Variants in MEGF11 observed in about 807,000 individuals in gnomAD.
MEGF11 encodes multiple EGF like domains 11, also known as multiple epidermal growth factor-like domains protein 11.
In MEGF11, 126 loss-of-function variants were observed where a neutral mutation model predicts 146.6. The observed-to-expected ratio is 0.86, with a 90% confidence interval of 0.74 to 1.00. MEGF11 has a LOEUF of 1.00. Ranked by LOEUF, MEGF11 falls within the 50% of genes least tolerant of loss-of-function variation. The pLI is 0.00. For synonymous variants in MEGF11, 532 were observed against 583.4 expected (o/e 0.91, Z 1.27); for missense variants, 1,509 against 1,521.2 (o/e 0.99, Z 0.13).
chr15:65,992,559 T>C (rs1224338704), intron 5 of MEGF11, among the ~76,000 whole-genome samples: 5 of 151,546 alleles, frequency 3.3e-5, no homozygotes, highest in Non-Finnish European at 5.9e-5. Context: ...TTCAGCAGGG[T>C]ATGTGTATGT....
At chr15:65,930,509 G>A (rs374492261) in intron 11 of MEGF11, among the ~76,000 whole-genome samples, 6 of 152,140 alleles carry the variant, frequency 3.9e-5, no homozygotes, top group East Asian at 1.9e-4. Flanking sequence ...CTCTGGGAAC[G>A]CTTTCTTTTG....
chr15:66,207,299 G>A (rs2091324159), intron 1 of MEGF11, among the ~76,000 whole-genome samples: 2 of 152,200 alleles, frequency 1.3e-5, no homozygotes, highest in African/African-American at 2.4e-5. Flanking sequence ...ACTCTTGAAA[G>A]CAGCAAAAGA....
chr15:65,939,030 A>G (rs558592928), intron 10 of MEGF11, among the ~76,000 whole-genome samples: 27 of 152,234 alleles, frequency 1.8e-4, no homozygotes, highest in African/African-American at 5.3e-4. Context: ...TTGGAGGAGG[A>G]TGGAAAGTGG....
Position 66,031,885 on chromosome 15 carries a change from T to C in MEGF11, c.395-49397A>G, listed in dbSNP as rs940030567. Among the ~76,000 whole-genome samples, 17 of 152,362 alleles carry C rather than the reference T, an allele frequency of 1.1e-4. No individual in the cohort carries two copies. In the South Asian group the frequency reaches 2.5e-3, roughly 22 times the overall value. ...CTTGGGAGTGGCTTCGTTATGAAAG[T>C]ACTGGTCTGTAGCCTGTTAGGAACC... On this transcript the variant is annotated intron_variant, in intron 5 of 25. Coordinates refer to ENST00000395614, the MANE Select transcript of MEGF11 (RefSeq NM_001385028.1).
chr15:66,000,626 G>A (rs2082338897), intron 5 of MEGF11, among the ~76,000 whole-genome samples: 1 of 152,138 alleles, frequency 6.6e-6, no homozygotes, highest in African/African-American at 2.4e-5. Flanking sequence ...GCTGTCTGAT[G>A]TGTATCAGGG....
Position 65,965,600 on chromosome 15 carries a change from C to CTTTCTTTTTTTTTTTTTTTTT in MEGF11, c.900-481_900-480insAAAAAAAAAAAAAAAAAGAAA. On this transcript the variant is annotated intron_variant, in intron 8 of 25. Coordinates refer to ENST00000395614, the MANE Select transcript of MEGF11 (RefSeq NM_001385028.1). ...TCTTTCTTTCTTTCTTTCTTTCTTT[C>CTTTCTTTTTTTTTTTTTTTTT]TTTTTTTTTTTTCTTTTTTTTTTTT... Among the ~76,000 whole-genome samples the CTTTCTTTTTTTTTTTTTTTTT allele has an allele frequency of 3.5e-3, 67 of 18,876 alleles. 1 individual carries two copies. Among genetic ancestry groups the CTTTCTTTTTTTTTTTTTTTTT allele is most frequent in the Non-Finnish European group, 4.4e-3 (49 of 11,094 alleles). The allele number at this position is 18,876 out of a possible 152,430, so 12.4% of individuals were successfully genotyped here.
intron 1 of MEGF11, among the ~76,000 whole-genome samples, chr15:66,146,502 G>C (rs1013652494): frequency 2.0e-5 from 3 of 152,262 alleles, no homozygotes; most frequent in Non-Finnish European, 2.9e-5. Flanking sequence ...GGAACGAGTT[G>C]TTTTTCATTC....
intron 2 of MEGF11, 39 bp downstream of exon 2, chr15:66,128,267 C>T: frequency 7.4e-7 from 1 of 1,354,486 alleles, no homozygotes; most frequent in South Asian, 1.6e-5. Flanking sequence ...CAGGGCGATC[C>T]CCCAGAGAGT....
chr15:65,903,474 G>C (rs960780288), intron 24 of MEGF11, among the ~76,000 whole-genome samples: 2 of 152,172 alleles, frequency 1.3e-5, no homozygotes, highest in African/African-American at 4.8e-5. Context: ...ATTGACTAAG[G>C]CTTTTGGAAT....
chr15:66,163,961 G>A (rs2090028487), intron 1 of MEGF11, among the ~76,000 whole-genome samples: 1 of 152,194 alleles, frequency 6.6e-6, no homozygotes, highest in Non-Finnish European at 1.5e-5. Flanking sequence ...CCTAAATGTA[G>A]CTGTCCTCTG....
At chr15:65,959,181 G>C (rs754456372) in intron 9 of MEGF11, among the ~76,000 whole-genome samples, 11 of 152,186 alleles carry the variant, frequency 7.2e-5, no homozygotes, top group Non-Finnish European at 1.5e-4. Context: ...GCAGCTCCGT[G>C]GGGGAGAGCC....
intron 5 of MEGF11, among the ~76,000 whole-genome samples, chr15:66,025,975 G>A (rs776943337): frequency 1.3e-5 from 2 of 152,190 alleles, no homozygotes; most frequent in African/African-American, 2.4e-5. Context: ...GACCAGCATC[G>A]GTTAGAACAT....
At chr15:66,239,229 G>T (rs908075652) in intron 1 of MEGF11, among the ~76,000 whole-genome samples, 4 of 152,182 alleles carry the variant, frequency 2.6e-5, no homozygotes, top group Non-Finnish European at 4.4e-5. Context: ...AACTCCATAG[G>T]CAATGATGAG....
At chr15:66,024,252 A>G (rs1038086887) in intron 5 of MEGF11, among the ~76,000 whole-genome samples, 1 of 152,250 alleles carries the variant, frequency 6.6e-6, no homozygotes, top group African/African-American at 2.4e-5. Flanking sequence ...TGCCCAGAAC[A>G]AGTCCCTCCA....
At chr15:65,934,306 C>T (rs1459575003) in intron 10 of MEGF11, among the ~76,000 whole-genome samples, 1 of 152,222 alleles carries the variant, frequency 6.6e-6, no homozygotes, top group Non-Finnish European at 1.5e-5. Context: ...GGCTGGAGTG[C>T]AGTGGCACGA....
At chr15:65,904,868 G>A (rs970852750) in intron 24 of MEGF11, among the ~76,000 whole-genome samples, 1 of 152,134 alleles carries the variant, frequency 6.6e-6, no homozygotes, top group Non-Finnish European at 1.5e-5. Flanking sequence ...ATATGCATTG[G>A]GACCTCTGCT....
intron 5 of MEGF11, among the ~76,000 whole-genome samples, chr15:66,055,553 T>C (rs2084639916): frequency 6.6e-6 from 1 of 152,254 alleles, no homozygotes; most frequent in Non-Finnish European, 1.5e-5. Context: ...TCTTTGGTTC[T>C]ATGTATTTCT....
intron 10 of MEGF11, 92 bp downstream of exon 10, chr15:65,957,455 G>A (rs1428382852): frequency 4.8e-6 from 6 of 1,249,712 alleles, no homozygotes; most frequent in African/African-American, 1.5e-5. Context: ...GAGGCAGCTG[G>A]GTGCAGGGCC....
At chr15:65,919,114 T>C (rs1354832515) in intron 15 of MEGF11, among the ~76,000 whole-genome samples, 5 of 152,228 alleles carry the variant, frequency 3.3e-5, no homozygotes, top group South Asian at 2.1e-4. Flanking sequence ...CTGCCTCATA[T>C]TGGTAGTTCT....
Sources: allele counts gnomAD v4.1 joint callset (sites outside exome capture counted in the v4.1 genomes callset), GRCh38; gene constraint gnomAD v4.1.1; transcripts MANE v1.5; gene names NCBI Gene and HGNC (gene_info 2026-07-23, HGNC 2026-07-21).